Variants in CLYBL observed in about 807,000 individuals in gnomAD.
CLYBL encodes citramalyl-CoA lyase.
A neutral mutation model predicts 38.9 loss-of-function variants in CLYBL; 31 were observed. The observed-to-expected ratio is 0.80, with a 90% CI of 0.60 to 1.08. CLYBL has a LOEUF of 1.08. Among genes scored for constraint, CLYBL ranks in the 50% least tolerant of loss-of-function variants. The pLI is 0.00. For missense variants in CLYBL, 434 were observed against 411.6 expected (o/e 1.05, Z -0.47); for synonymous variants, 171 against 158.6 (o/e 1.08, Z -0.59).
chr13:99,817,336 G>A (rs886462672), intron 2 of CLYBL, among the ~76,000 whole-genome samples: 1 of 152,146 alleles, frequency 6.6e-6, no homozygotes, highest in Non-Finnish European at 1.5e-5. Flanking sequence ...GGAGGAGAGG[G>A]AAAGTGATTA....
intron 2 of CLYBL, among the ~76,000 whole-genome samples, chr13:99,788,676 T>A (rs897490902): frequency 2.0e-5 from 3 of 152,196 alleles, no homozygotes; most frequent in African/African-American, 7.2e-5. Context: ...TGTGTGTGTG[T>A]CTCTGCCAGG....
intron 1 of CLYBL, chr13:99,726,541 G>A (rs1412456427): frequency 6.6e-6 from 1 of 152,152 alleles, no homozygotes; most frequent in Non-Finnish European, 1.5e-5. Flanking sequence ...GGGGCAGAGT[G>A]GTTCCATGGA....
chr13:99,895,928 G>C (rs1438224692), downstream of CLYBL: 2 of 151,948 alleles, frequency 1.3e-5, no homozygotes, highest in Non-Finnish European at 2.9e-5. Flanking sequence ...TTTTTCCACT[G>C]TAAGTGACCG....
intron 1 of CLYBL, among the ~76,000 whole-genome samples, chr13:99,697,877 A>G (rs1384027403): frequency 6.6e-6 from 1 of 151,936 alleles, no homozygotes; most frequent in Non-Finnish European, 1.5e-5. Context: ...CGAACTCCTG[A>G]CCTCAAGTGA....
chr13:99,716,633 C>G (rs1038775334), intron 1 of CLYBL, among the ~76,000 whole-genome samples: 3 of 151,696 alleles, frequency 2.0e-5, no homozygotes, highest in Non-Finnish European at 4.4e-5. Flanking sequence ...ATCCACCCAC[C>G]TCGGCCTCCC....
At chr13:99,630,464 G>A (rs1483516464) in intron 1 of CLYBL, among the ~76,000 whole-genome samples, 2 of 152,182 alleles carry the variant, frequency 1.3e-5, no homozygotes, top group South Asian at 2.1e-4. Flanking sequence ...GTTCAGAGAC[G>A]TGCTAAAAGT....
Position 99,841,124 on chromosome 13 carries a change from T to C in CLYBL, c.250-17737T>C, listed in dbSNP as rs1205781285. Among the ~76,000 whole-genome samples the C allele has an allele frequency of 2.0e-5, 3 of 152,348 alleles. No homozygotes were observed. In the East Asian group the frequency reaches 5.8e-4, roughly 29 times the overall value. On this transcript the variant is annotated intron_variant, in intron 2 of 8. Coordinates refer to ENST00000339105, the MANE Select transcript of CLYBL (RefSeq NM_206808.5). Reference sequence around the variant, plus strand: ...GGTTTCTAATTTGGAACAAAAGCACTGAGCAGGTTGCTCTTTGTAATTTTT... The same window carrying C: ...GGTTTCTAATTTGGAACAAAAGCACCGAGCAGGTTGCTCTTTGTAATTTTT...
At chr13:99,752,933 G>C (rs2048984098) in intron 1 of CLYBL, among the ~76,000 whole-genome samples, 1 of 152,124 alleles carries the variant, frequency 6.6e-6, no homozygotes, top group African/African-American at 2.4e-5. Flanking sequence ...AGTAAACAAA[G>C]CCAATAATTC....
chr13:99,659,980 A>G (rs1327738825), intron 1 of CLYBL, among the ~76,000 whole-genome samples: 1 of 152,176 alleles, frequency 6.6e-6, no homozygotes, highest in Non-Finnish European at 1.5e-5. Flanking sequence ...CCACACACGC[A>G]TTTTTAAAAA....
rs1566340069 is a variant in CLYBL, at chr13:99,819,434, AT to A, written c.250-39426del. Among the ~76,000 whole-genome samples, 260 of 69,084 alleles carry A rather than the reference AT, an allele frequency of 3.8e-3. 7 individuals carry two copies. Among genetic ancestry groups the A allele is most frequent in the Non-Finnish European group, 5.5e-3 (203 of 36,940 alleles). 45.3% of individuals were successfully genotyped at this position (69,084 alleles called of 152,430 possible). ...AAAAAATTTATATATATATATATAT[AT>A]ATATATATATATATATATATATATA... On this transcript the variant is annotated intron_variant, in intron 2 of 8. Transcript: ENST00000339105.
chr13:99,875,595 G>A (rs1269782531), intron 7 of CLYBL, among the ~76,000 whole-genome samples: 3 of 152,088 alleles, frequency 2.0e-5, no homozygotes, highest in Non-Finnish European at 2.9e-5. Flanking sequence ...TATTGTTTCC[G>A]CTTATTCAAG....
intron 4 of CLYBL, 100 bp downstream of exon 4, chr13:99,863,192 G>C (rs1272687939): frequency 1.7e-6 from 1 of 598,340 alleles, no homozygotes; most frequent in African/African-American, 1.9e-5. Context: ...TGTGTTTCTA[G>C]AAAGATTTAT....
At chr13:99,667,542 C>T (rs914065873) in intron 1 of CLYBL, among the ~76,000 whole-genome samples, 27 of 148,202 alleles carry the variant, frequency 1.8e-4, no homozygotes, top group Middle Eastern at 6.9e-3. Context: ...ATCAGTAAGA[C>T]AGAGAGGGAA....
chr13:99,884,878 G>T, intron 7 of CLYBL: 1 of 432,178 alleles, frequency 2.3e-6, no homozygotes, highest in Non-Finnish European at 4.8e-6. Context: ...TGACAGCAAA[G>T]CTTTGCCCAG....
chr13:99,608,186 C>G (rs1325240378), intron 1 of CLYBL, among the ~76,000 whole-genome samples: 2 of 151,614 alleles, frequency 1.3e-5, no homozygotes, highest in Non-Finnish European at 2.9e-5. Flanking sequence ...ATTCTCCTGC[C>G]GCAGCCTCCG....
chr13:99,832,772 A>G (rs1487532046), intron 2 of CLYBL, among the ~76,000 whole-genome samples: 4 of 151,752 alleles, frequency 2.6e-5, no homozygotes, highest in African/African-American at 9.7e-5. Context: ...AACATCAGTA[A>G]TGGATCCATA....
At chr13:99,846,156 T>C (rs1255307684) in intron 2 of CLYBL, among the ~76,000 whole-genome samples, 1 of 151,646 alleles carries the variant, frequency 6.6e-6, no homozygotes, top group Non-Finnish European at 1.5e-5. Context: ...CTCTACAAAA[T>C]ACATAAGTAA....
chr13:99,897,881 G>A (rs1213213782), downstream of CLYBL, among the ~76,000 whole-genome samples: 1 of 151,954 alleles, frequency 6.6e-6, no homozygotes, highest in African/African-American at 2.4e-5. Flanking sequence ...GGGAGGCAGA[G>A]GTTGCCCAAG....
At chr13:99,859,630 C>T (rs575392924) in intron 3 of CLYBL, among the ~76,000 whole-genome samples, 2 of 152,286 alleles carry the variant, frequency 1.3e-5, no homozygotes, top group East Asian at 3.9e-4. Flanking sequence ...TTTTAAATTG[C>T]TGACAGGTGT....
Sources: allele counts gnomAD v4.1 joint callset (sites outside exome capture counted in the v4.1 genomes callset), GRCh38; gene constraint gnomAD v4.1.1; transcripts MANE v1.5; gene names NCBI Gene and HGNC (gene_info 2026-07-23, HGNC 2026-07-21).